Variants in GSG1L2 observed in about 807,000 individuals in gnomAD.
GSG1L2 encodes germ cell-specific gene 1-like protein 2.
Under a neutral mutation model 9.0 loss-of-function variants are expected in GSG1L2, and 15 were observed. The observed-to-expected ratio is 1.67, with a 90% CI of 1.12 to 2.57. The LOEUF is 2.57. Among genes scored for constraint, GSG1L2 ranks in the 30% most tolerant of loss-of-function variants. The probability of loss-of-function intolerance (pLI) is 0.00; values close to 1 mark genes in which losing one functional copy is unlikely to be tolerated. For missense variants in GSG1L2, 286 were observed against 150.3 expected (o/e 1.90, Z -4.72); for synonymous variants, 127 against 57.9 (o/e 2.19, Z -5.41).
rs945621054 is a variant in GSG1L2, at chr17:9,820,545, G to A, written c.310+1217C>T. Among the ~76,000 whole-genome samples, 1 of 152,160 alleles carries A rather than the reference G, an allele frequency of 6.6e-6. No individual in the cohort carries two copies. The highest frequency in any genetic ancestry group is 1.5e-5 in the Non-Finnish European group (1 of 68,030). ...TGTCTGTACCACACTTAAAGCACAAGACACAGGCACTGGCCTGGATACATG... is the reference window on the plus strand; with the variant it reads ...TGTCTGTACCACACTTAAAGCACAAAACACAGGCACTGGCCTGGATACATG... On this transcript the variant is annotated intron_variant, in intron 1 of 4. Transcript: ENST00000399363. The surrounding 1 kb of genome is among the most constrained non-coding windows in gnomAD (Gnocchi z 4.9).
intron 2 of GSG1L2, chr17:9,809,890 T>G (rs1270343366): frequency 6.6e-6 from 1 of 152,250 alleles, no homozygotes; most frequent in Non-Finnish European, 1.5e-5. Flanking sequence ...GGGTGGAGGG[T>G]CTGTGAGTTG....
chr17:9,810,488 A>C, intron 2 of GSG1L2, 83 bp downstream of exon 2: 1 of 684,122 alleles, frequency 1.5e-6, no homozygotes, highest in South Asian at 1.6e-5. Flanking sequence ...CTCCCTCATC[A>C]TTTCCCCTAT....
chr17:9,808,963 G>C lies in GSG1L2; in HGVS notation c.378C>G (p.Ile126Met). 2.8e-6 allele frequency: 2 copies of C among 703,040 alleles called. No individual in the cohort carries two copies. Among genetic ancestry groups the C allele is most frequent in the South Asian group, 1.5e-5 (1 of 67,606 alleles). The allele number at this position is 703,040 out of a possible 1,614,324, so 43.6% of individuals were successfully genotyped here. Residue 126 changes from isoleucine to methionine, a missense_variant, in exon 3 of 5, where the codon ATC becomes ATG. Ile to Met is a conservative substitution (Grantham distance 10). Transcript: ENST00000399363. ...GAACGATATCCAGGACCTCGCCCCC[G>C]ATGGACAGCCACAAAACACCTGCCA... ...AEEQGVLWLSIGGEVLDIVLI... is the reference protein window; with the variant it reads ...AEEQGVLWLSMGGEVLDIVLI...
At chr17:9,818,131 G>GA (rs1038730886) in intron 1 of GSG1L2, among the ~76,000 whole-genome samples, 1 of 152,104 alleles carries the variant, frequency 6.6e-6, no homozygotes, top group African/African-American at 2.4e-5. Flanking sequence ...AGTTTATAAA[G>GA]AAAAAACTTT....
At chr17:9,821,677 C>T in intron 1 of GSG1L2, 85 bp downstream of exon 1, 3 of 661,954 alleles carry the variant, frequency 4.5e-6, no homozygotes, top group Non-Finnish European at 8.3e-6. Context: ...CCAGAATCTG[C>T]AGGATTCAAA....
intron 4 of GSG1L2, among the ~76,000 whole-genome samples, chr17:9,807,277 T>A (rs141770363): frequency 0.011 from 1,607 of 152,332 alleles, 27 homozygotes; most frequent in African/African-American, 0.035. Flanking sequence ...AAACATAATC[T>A]CTTTAAATCC....
At chr17:9,811,595 A>G (rs537761350) in intron 1 of GSG1L2, among the ~76,000 whole-genome samples, 48 of 152,334 alleles carry the variant, frequency 3.2e-4, no homozygotes, top group African/African-American at 1.1e-3. Flanking sequence ...GTCCTGTCCC[A>G]GCTGAGTGTC....
rs777683910 is a variant in GSG1L2 at position 9,822,016 on chromosome 17, A to T, written c.56T>A (p.Leu19His). Reference sequence around the variant, plus strand: ...GACCACGGCGGTGAGGGAGAAGGTGAGGGCGAGGCAGACAGGGAGGAGGAG... The same window carrying T: ...GACCACGGCGGTGAGGGAGAAGGTGTGGGCGAGGCAGACAGGGAGGAGGAG... ...ALLLLPVCLA[L>H]TFSLTAVVSS... Residue 19 changes from leucine to histidine, a missense_variant, in exon 1 of 5, where the codon CTC becomes CAC. Transcript: ENST00000399363. 1 of 702,856 alleles carries T rather than the reference A, an allele frequency of 1.4e-6. No individual in the cohort carries two copies. Among genetic ancestry groups the T allele is most frequent in the African/African-American group, 1.7e-5 (1 of 57,278 alleles). 43.5% of individuals were successfully genotyped at this position (702,856 alleles called of 1,614,324 possible). A position where few individuals can be genotyped will look rare whatever the true frequency, so the allele number is the denominator to read the frequency against.
intron 2 of GSG1L2, 31 bp from the exon 3 acceptor site, chr17:9,809,013 G>A (rs963945410): frequency 1.4e-6 from 1 of 701,800 alleles, no homozygotes; most frequent in African/African-American, 1.7e-5. Context: ...GGAAACGCTG[G>A]ACACTTCTAA....
chr17:9,816,504 CTGTCTGTGTGTGCG>C (rs1404217291), intron 1 of GSG1L2, among the ~76,000 whole-genome samples: 1 of 56,536 alleles, frequency 1.8e-5, no homozygotes, highest in African/African-American at 7.1e-5. Context: ...CTGTGTGTGC[CTGTCTGTGTGTGCG>C]TGTCTGTGTC....
At chr17:9,813,120 G>A (rs886074986) in intron 1 of GSG1L2, among the ~76,000 whole-genome samples, 2 of 152,158 alleles carry the variant, frequency 1.3e-5, no homozygotes, top group African/African-American at 4.8e-5. Context: ...ACAGCACATG[G>A]GAAGGATGAT....
rs561909401 is a variant in GSG1L2, at chr17:9,809,326, T to C, written c.359-344A>G. The C allele has an allele frequency of 3.8e-4, 132 of 343,310 alleles. 1 individual carries two copies. The highest frequency in any genetic ancestry group is 2.0e-3 in the Middle Eastern group (2 of 984). 21.3% of individuals were successfully genotyped at this position (343,310 alleles called of 1,614,324 possible). On this transcript the variant is annotated intron_variant, in intron 2 of 4. Transcript: ENST00000399363. ...GAGTTGGTTCCTGCCGGTGGGTTCA[T>C]GGTCTGGCTGACTTCAAGAACGAAG...
rs116154533 is a variant in GSG1L2 at position 9,814,776 on chromosome 17, G to A, written c.311-4158C>T. Among the ~76,000 whole-genome samples the A allele has an allele frequency of 6.6e-5, 10 of 152,222 alleles. No individual in the cohort carries two copies. The East Asian group carries it at 1.9e-3, about 29-fold the overall frequency. The stretch of plus-strand genomic sequence containing the variant: ...CGAGGAAGTGGCGTCCGATCCCTCC[G>A]TACCTGACTCTGACATCCTCTGTCA... On this transcript the variant is annotated intron_variant, in intron 1 of 4. Coordinates refer to ENST00000399363, the MANE Select transcript of GSG1L2 (RefSeq NM_001310219.2).
At chr17:9,821,006 C>T (rs2066587333) in intron 1 of GSG1L2, among the ~76,000 whole-genome samples, 1 of 151,844 alleles carries the variant, frequency 6.6e-6, no homozygotes, top group South Asian at 2.1e-4. Flanking sequence ...GCCTCAGGAA[C>T]AAAAATCAAA....
intron 1 of GSG1L2, among the ~76,000 whole-genome samples, chr17:9,814,184 T>C (rs539754408): frequency 6.6e-6 from 1 of 152,328 alleles, no homozygotes; most frequent in Admixed American, 6.5e-5. Context: ...TCCGTCCGCC[T>C]CGGCCTCCCG....
chr17:9,807,746 C>T, intron 3 of GSG1L2, 145 bp from the exon 4 acceptor site: 1 of 603,840 alleles, frequency 1.7e-6, no homozygotes, highest in Non-Finnish European at 3.0e-6. Flanking sequence ...AAACATTCCG[C>T]TGGACATCTC....
rs957629190 is a variant in GSG1L2 at position 9,800,763 on chromosome 17, G to C, written c.*1623C>G. On this transcript the variant is annotated 3_prime_UTR_variant, in exon 5 of 5. Coordinates refer to ENST00000399363, the MANE Select transcript of GSG1L2 (RefSeq NM_001310219.2). ...ATATCGTGACAGTCACACAGGACCT[G>C]CCTACATGAATACATAGGGATGAAA... Among the ~76,000 whole-genome samples, 6 of 152,300 alleles carry C rather than the reference G, an allele frequency of 3.9e-5. No individual in the cohort carries two copies. Among genetic ancestry groups the C allele is most frequent in the African/African-American group, 1.4e-4 (6 of 41,566 alleles).
rs554688424 is a variant in GSG1L2, at chr17:9,812,650, G to C, written c.311-2032C>G. 4.2e-4 allele frequency among the ~76,000 whole-genome samples: 64 copies of C among 152,070 alleles called. 1 individual carries two copies. In the South Asian group the frequency reaches 1.0e-2, roughly 24 times the overall value. ...TCATTTTTTTTATTTTTTGAGACAGGGTCTTGCTCTGTCACCCAGGCTGGA... is the reference window on the plus strand; with the variant it reads ...TCATTTTTTTTATTTTTTGAGACAGCGTCTTGCTCTGTCACCCAGGCTGGA... On this transcript the variant is annotated intron_variant, in intron 1 of 4. Transcript: ENST00000399363.
chr17:9,812,966 T>C (rs915157166), intron 1 of GSG1L2, among the ~76,000 whole-genome samples: 1 of 152,120 alleles, frequency 6.6e-6, no homozygotes, highest in African/African-American at 2.4e-5. Context: ...CTCTAGCCTC[T>C]TCTTATAAAG....
Sources: allele counts gnomAD v4.1 joint callset (sites outside exome capture counted in the v4.1 genomes callset), GRCh38; gene constraint gnomAD v4.1.1; non-coding constraint Gnocchi (gnomAD v3.1); transcripts MANE v1.5; gene names NCBI Gene and HGNC (gene_info 2026-07-23, HGNC 2026-07-21).